The following SEMA3D variants were observed in gnomAD, a reference collection of about 807,000 sequenced individuals.
The protein encoded by SEMA3D is semaphorin 3D.
In SEMA3D, 84 loss-of-function variants were observed where a neutral mutation model predicts 100.1. The ratio of observed to expected loss-of-function variants is 0.84; its 90% CI spans 0.70 to 1.01. SEMA3D has a LOEUF of 1.01. Among genes scored for constraint, SEMA3D ranks in the 50% least tolerant of loss-of-function variants. SEMA3D has a pLI of 0.00. For synonymous variants in SEMA3D, 312 were observed against 320.7 expected (o/e 0.97, Z 0.29); for missense variants, 875 against 934.1 (o/e 0.94, Z 0.82).
chr7:85,114,193 C>T (rs983406853), intron 3 of SEMA3D, among the ~76,000 whole-genome samples: 5 of 152,094 alleles, frequency 3.3e-5, no homozygotes, highest in African/African-American at 1.2e-4. Flanking sequence ...CCCACCATAA[C>T]ACAAAATTAA....
At chr7:85,223,485 C>T in the SEMA3D span, among the ~76,000 whole-genome samples, 95 of 151,014 alleles carry the variant, frequency 6.3e-4, no homozygotes, top group Non-Finnish European at 1.5e-4. Flanking sequence ...GCTCAAAAGC[C>T]GATCAATCAA....
At chr7:85,106,358 G>T (rs1788921326) in intron 3 of SEMA3D, among the ~76,000 whole-genome samples, 1 of 151,996 alleles carries the variant, frequency 6.6e-6, no homozygotes, top group South Asian at 2.1e-4. Flanking sequence ...ACATCGGAAG[G>T]TCTTAACTTA....
intron 1 of SEMA3D, among the ~76,000 whole-genome samples, chr7:85,165,360 G>A (rs762822140): frequency 6.6e-6 from 1 of 151,950 alleles, no homozygotes; most frequent in Non-Finnish European, 1.5e-5. Context: ...TCATTTAAAC[G>A]AGAGTTTGTG....
intron 5 of SEMA3D, 142 bp from the exon 6 acceptor site, chr7:85,073,223 T>C: frequency 1.3e-6 from 1 of 768,196 alleles, no homozygotes; most frequent in Non-Finnish European, 2.1e-6. Flanking sequence ...ATTCTAGACA[T>C]CTGTTGTAGC....
At chr7:85,054,810 T>C (rs1791262832) in intron 9 of SEMA3D, among the ~76,000 whole-genome samples, 1 of 152,060 alleles carries the variant, frequency 6.6e-6, no homozygotes, top group East Asian at 1.9e-4. Flanking sequence ...ACTGAGTTGA[T>C]GCTAAAGGTG....
intron 11 of SEMA3D, among the ~76,000 whole-genome samples, chr7:85,037,960 G>T (rs951361383): frequency 1.4e-5 from 2 of 141,902 alleles, no homozygotes; most frequent in African/African-American, 2.6e-5. Context: ...GCGGTATTTG[G>T]TTTTTTGTCC....
chr7:85,000,762 C>A (rs1789634375), intron 18 of SEMA3D, among the ~76,000 whole-genome samples: 1 of 152,176 alleles, frequency 6.6e-6, no homozygotes, highest in Non-Finnish European at 1.5e-5. Flanking sequence ...TTAAGCTTGA[C>A]TGGCTCATGA....
At chr7:85,046,106 C>T (rs1791001616) in intron 9 of SEMA3D, among the ~76,000 whole-genome samples, 1 of 151,862 alleles carries the variant, frequency 6.6e-6, no homozygotes. Flanking sequence ...AGAATATATG[C>T]TGAAATTATT....
intron 3 of SEMA3D, among the ~76,000 whole-genome samples, chr7:85,103,937 A>G (rs1788825532): frequency 1.3e-5 from 2 of 152,078 alleles, no homozygotes; most frequent in Non-Finnish European, 2.9e-5. Context: ...ATCGAATTTC[A>G]TATAAACAAC....
chr7:85,216,193 A>G, the SEMA3D span, among the ~76,000 whole-genome samples: 4 of 152,210 alleles, frequency 2.6e-5, no homozygotes, highest in Admixed American at 6.6e-5. Context: ...AAGACAACAC[A>G]TTTTTATTGA....
chr7:85,052,571 C>T (rs1271162016), intron 9 of SEMA3D, among the ~76,000 whole-genome samples: 2 of 152,004 alleles, frequency 1.3e-5, no homozygotes, highest in Non-Finnish European at 2.9e-5. Flanking sequence ...AGCGTAGTCC[C>T]ACTTCCTCAT....
the SEMA3D span, among the ~76,000 whole-genome samples, chr7:85,228,391 A>C: frequency 1.3e-5 from 2 of 152,136 alleles, no homozygotes; most frequent in Admixed American, 1.3e-4. Flanking sequence ...ATATTTTATC[A>C]TTCACTAAGC....
At chr7:85,128,196 C>G (rs1789620472) in intron 2 of SEMA3D, among the ~76,000 whole-genome samples, 1 of 151,648 alleles carries the variant, frequency 6.6e-6, no homozygotes, top group African/African-American at 2.4e-5. Context: ...GAGGCAGAGT[C>G]TCACTCTGTC....
chr7:85,006,664 T>C (rs147980843), intron 18 of SEMA3D, 138 bp downstream of exon 18: 1 of 585,220 alleles, frequency 1.7e-6, no homozygotes, highest in African/African-American at 1.9e-5. Flanking sequence ...TATTGTTACC[T>C]TTGGTGTTAG....
At chr7:85,010,255 C>T (rs771015669) in intron 17 of SEMA3D, among the ~76,000 whole-genome samples, 5 of 151,756 alleles carry the variant, frequency 3.3e-5, no homozygotes, top group East Asian at 3.9e-4. Flanking sequence ...AATATACTAG[C>T]GATCAGGTCA....
Position 85,040,716 on chromosome 7 carries a change from C to T in SEMA3D, c.1003G>A (p.Asp335Asn). The T allele has an allele frequency of 6.8e-7, 1 of 1,466,724 alleles. No individual in the cohort carries two copies. Among genetic ancestry groups the T allele is most frequent in the Non-Finnish European group, 9.5e-7 (1 of 1,048,538 alleles). The allele number at this position is 1,466,724 out of a possible 1,614,324, so 90.9% of individuals were successfully genotyped here. Reference sequence around the variant, plus strand: ...CCATATACTACAGGATTTCTTTCATCTCTTGTGGGGAGTAAATAAATATCT... The same window carrying T: ...CCATATACTACAGGATTTCTTTCATTTCTTGTGGGGAGTAAATAAATATCT... ...LQDIYLLPTR[D>N]ERNPVVYGVF... The change falls in exon 11 of 19, where the codon GAT (aspartate) becomes AAT (asparagine). Residue 335 changes from aspartate (D) to asparagine (N), a missense_variant. Coordinates refer to ENST00000284136, the MANE Select transcript of SEMA3D (RefSeq NM_001384900.1).
intron 2 of SEMA3D, among the ~76,000 whole-genome samples, chr7:85,134,747 A>T (rs377410477): frequency 3.3e-5 from 5 of 152,104 alleles, no homozygotes; most frequent in East Asian, 3.9e-4. Flanking sequence ...TCTTTGCTTC[A>T]CCAGCCCACT....
chr7:85,100,607 C>T (rs1788715547), intron 3 of SEMA3D, among the ~76,000 whole-genome samples: 1 of 151,754 alleles, frequency 6.6e-6, no homozygotes, highest in African/African-American at 2.4e-5. Context: ...AGGATATAGG[C>T]ACTAAGGTAA....
At chr7:85,015,392 G>A (rs1214346796) in intron 15 of SEMA3D, among the ~76,000 whole-genome samples, 176 bp from the exon 16 acceptor site, 2 of 151,752 alleles carry the variant, frequency 1.3e-5, no homozygotes, top group Non-Finnish European at 2.9e-5. Flanking sequence ...TTTCTATCCT[G>A]GTTAGATGGT....
Sources: allele counts gnomAD v4.1 joint callset (sites outside exome capture counted in the v4.1 genomes callset), GRCh38; gene constraint gnomAD v4.1.1; transcripts MANE v1.5; gene names NCBI Gene and HGNC (gene_info 2026-07-23, HGNC 2026-07-21).